Variants in PTBP2 observed in about 807,000 individuals in gnomAD.
The protein encoded by PTBP2 is polypyrimidine tract binding protein 2.
In PTBP2, 13 loss-of-function variants were observed where a neutral mutation model predicts 61.4. The observed-to-expected ratio is 0.21, with a 90% CI of 0.14 to 0.34. The LOEUF is 0.34. PTBP2 is among the 10% of genes least tolerant of loss of function. The pLI, the probability that PTBP2 is intolerant of heterozygous loss-of-function variation, is 1.00. For synonymous variants in PTBP2, 215 were observed against 218.5 expected (o/e 0.98, Z 0.14); for missense variants, 405 against 642.6 (o/e 0.63, Z 4.00).
intron 3 of PTBP2, 109 bp from the exon 4 acceptor site, chr1:96,769,594 C>G (rs1657152357): frequency 1.3e-6 from 1 of 742,148 alleles, no homozygotes; most frequent in African/African-American, 1.8e-5. Flanking sequence ...GTATTCTCAG[C>G]TATGTTTTTA....
intron 8 of PTBP2, among the ~76,000 whole-genome samples, chr1:96,793,346 T>C (rs993540772): frequency 6.6e-6 from 1 of 152,180 alleles, no homozygotes; most frequent in Non-Finnish European, 1.5e-5. Context: ...GATAGAGTTG[T>C]TCATTTAAAT....
intron 3 of PTBP2, among the ~76,000 whole-genome samples, chr1:96,755,970 C>G (rs924994828): frequency 6.6e-6 from 1 of 152,142 alleles, no homozygotes. Flanking sequence ...ATATACACAT[C>G]CTAGAATGGC....
chr1:96,724,285 T>A lies in PTBP2; in HGVS notation c.39+691T>A, dbSNP rs541382660. Among the ~76,000 whole-genome samples, 6 of 152,182 alleles carry A rather than the reference T, an allele frequency of 3.9e-5. No homozygotes were observed. In the East Asian group the frequency reaches 1.2e-3, roughly 29 times the overall value. ...TTGTTTTTTTGAGACGGAGCCTCAC[T>A]CTGTTGCCCAGGCTGGATGCAGTGG... On this transcript the variant is annotated intron_variant, in intron 2 of 13. Transcript: ENST00000674951.
intron 3 of PTBP2, among the ~76,000 whole-genome samples, chr1:96,754,921 A>G (rs751144341): frequency 6.6e-6 from 1 of 152,146 alleles, no homozygotes; most frequent in African/African-American, 2.4e-5. Flanking sequence ...AATACAGAAA[A>G]TCTTCGTGAC....
chr1:96,793,051 A>G (rs555819730), intron 8 of PTBP2, among the ~76,000 whole-genome samples: 2 of 152,338 alleles, frequency 1.3e-5, no homozygotes, highest in South Asian at 4.1e-4. Context: ...TAAATTAAAA[A>G]TTAATATTTT....
rs184085584 is a variant in PTBP2 at position 96,770,196 on chromosome 1, C to T, written c.288+321C>T. On this transcript the variant is annotated intron_variant, in intron 4 of 13. Transcript: ENST00000674951. ...ATCAGAAATCAGCAGGGGTACTAGTCGCATCTTTCCTTAAGCTTTATGAGA... is the reference window on the plus strand; with the variant it reads ...ATCAGAAATCAGCAGGGGTACTAGTTGCATCTTTCCTTAAGCTTTATGAGA... Among the ~76,000 whole-genome samples, 445 of 151,818 alleles carry T rather than the reference C, an allele frequency of 2.9e-3. 2 individuals carry two copies. Among genetic ancestry groups the T allele is most frequent in the African/African-American group, 0.01 (433 of 41,454 alleles).
intron 5 of PTBP2, among the ~76,000 whole-genome samples, chr1:96,775,544 T>C (rs1657937113): frequency 6.6e-6 from 1 of 152,186 alleles, no homozygotes; most frequent in Non-Finnish European, 1.5e-5. Context: ...ACATCTGATA[T>C]GATTCCATTT....
At chr1:96,752,924 T>C (rs1654739806) in intron 3 of PTBP2, among the ~76,000 whole-genome samples, 1 of 152,116 alleles carries the variant, frequency 6.6e-6, no homozygotes, top group South Asian at 2.1e-4. Context: ...GCTTTCTGTC[T>C]TGGACTATTT....
intron 11 of PTBP2, 35 bp downstream of exon 11, chr1:96,806,993 A>G: frequency 2.0e-6 from 3 of 1,476,866 alleles, no homozygotes; most frequent in Non-Finnish European, 2.8e-6. Context: ...ATACATCTTC[A>G]CTTCTGCTTT....
chr1:96,743,671 A>T (rs967729580), intron 2 of PTBP2, among the ~76,000 whole-genome samples: 1 of 152,162 alleles, frequency 6.6e-6, no homozygotes, highest in African/African-American at 2.4e-5. Context: ...AAGTTTTCTG[A>T]TGAGTTGTTA....
rs767534656 is a variant in PTBP2 at position 96,770,824 on chromosome 1, A to G, written c.405A>G (p.Glu135=). Residue 135 remains glutamate (E), a synonymous_variant, in exon 5 of 14, where the codon GAA becomes GAG. Coordinates refer to ENST00000674951, the MANE Select transcript of PTBP2 (RefSeq NM_021190.4). ...ATATCCAGTACTCGAATCACAAAGA[A>G]CTAAAGACAGATAATACATTAAACC... ...PIYIQYSNHK[E]LKTDNTLNQR... The G allele has an allele frequency of 6.3e-6, 10 of 1,583,456 alleles. No homozygotes were observed. The South Asian group carries it at 8.9e-5, about 14-fold the overall frequency.
At chr1:96,781,043 A>C (rs1658604888) in intron 7 of PTBP2, among the ~76,000 whole-genome samples, 1 of 152,022 alleles carries the variant, frequency 6.6e-6, no homozygotes, top group South Asian at 2.1e-4. Flanking sequence ...TGGTCTCTCA[A>C]GGTAGTAGTG....
intron 8 of PTBP2, among the ~76,000 whole-genome samples, chr1:96,792,557 C>A (rs1268789974): frequency 1.3e-5 from 2 of 152,032 alleles, no homozygotes; most frequent in Non-Finnish European, 2.9e-5. Context: ...TAGTAATATA[C>A]ATATAGTAAA....
intron 3 of PTBP2, among the ~76,000 whole-genome samples, chr1:96,754,037 T>TA (rs1470604970): frequency 6.6e-6 from 1 of 152,118 alleles, no homozygotes; most frequent in East Asian, 1.9e-4. Flanking sequence ...TATATCAACT[T>TA]ACATTCCTAA....
chr1:96,807,362 C>A (rs1353877686), intron 11 of PTBP2, among the ~76,000 whole-genome samples: 1 of 152,134 alleles, frequency 6.6e-6, no homozygotes, highest in Non-Finnish European at 1.5e-5. Flanking sequence ...ATACCAGGTT[C>A]TTAGAAAATG....
chr1:96,762,983 C>T (rs555401595), intron 3 of PTBP2, among the ~76,000 whole-genome samples: 14 of 151,332 alleles, frequency 9.3e-5, no homozygotes, highest in East Asian at 4.0e-4. Context: ...AGACGATGGG[C>T]GGCCGGGCAG....
chr1:96,723,817 T>C (rs1649986636), intron 2 of PTBP2, among the ~76,000 whole-genome samples: 1 of 152,228 alleles, frequency 6.6e-6, no homozygotes, highest in African/African-American at 2.4e-5. Flanking sequence ...TAAGTATGAA[T>C]GATCAAGAAA....
chr1:96,804,222 G>A (rs760128404), intron 8 of PTBP2, among the ~76,000 whole-genome samples: 1 of 152,102 alleles, frequency 6.6e-6, no homozygotes, highest in Non-Finnish European at 1.5e-5. Flanking sequence ...TTAATTACTT[G>A]AGTGTATAAT....
chr1:96,802,281 C>T (rs1661095960), intron 8 of PTBP2, among the ~76,000 whole-genome samples: 1 of 145,304 alleles, frequency 6.9e-6, no homozygotes, highest in African/African-American at 2.5e-5. Flanking sequence ...AGTTTTAAGA[C>T]TATAAAGGGG....
Sources: allele counts gnomAD v4.1 joint callset (sites outside exome capture counted in the v4.1 genomes callset), GRCh38; gene constraint gnomAD v4.1.1; transcripts MANE v1.5; gene names NCBI Gene and HGNC (gene_info 2026-07-23, HGNC 2026-07-21).